ANKRD30B: variants seen among roughly 807,000 people sequenced by gnomAD.
The protein encoded by ANKRD30B is ankyrin repeat domain 30B.
A neutral mutation model predicts 202.2 loss-of-function variants in ANKRD30B; 144 were observed. The ratio of observed to expected loss-of-function variants is 0.71; its 90% CI spans 0.62 to 0.82. ANKRD30B has a LOEUF of 0.82. Ranked by LOEUF, ANKRD30B falls within the 40% of genes least tolerant of loss-of-function variation. The probability of loss-of-function intolerance (pLI) is 0.00; values close to 1 mark genes in which losing one functional copy is unlikely to be tolerated. For synonymous variants in ANKRD30B, 508 were observed against 561.3 expected, an observed-to-expected ratio of 0.91 and a Z score of 1.34; for missense variants, 1,487 against 1,669.1, an observed-to-expected ratio of 0.89 and a Z score of 1.90.
intron 42 of ANKRD30B, chr18:14,852,711 T>A (rs867713246): frequency 2.0e-4 from 41 of 207,564 alleles, no homozygotes; most frequent in African/African-American, 8.0e-4. Context: ...GGTTTTAATG[T>A]CTCTTTGTGG....
At chr18:14,834,335 A>C (rs2258518) in intron 34 of ANKRD30B, among the ~76,000 whole-genome samples, 2 of 152,060 alleles carry the variant, frequency 1.3e-5, no homozygotes, top group African/African-American at 4.8e-5. Context: ...ATGGATACCA[A>C]CATATTTGTA....
At position 14,764,786 on chromosome 18, in the gene ANKRD30B, T is replaced by G. The variant is rs188376908; in HGVS notation, c.1225+696T>G. On this transcript the variant is annotated intron_variant, in intron 7 of 43. Coordinates refer to ENST00000690538, the MANE Select transcript of ANKRD30B (RefSeq NM_001367607.2). ...TGGAAGGGCTGCTTTGTTCACATTT[T>G]TCTTTTAAATAGAGAGAAAACTTGG... Among the ~76,000 whole-genome samples, 686 of 152,324 alleles carry G rather than the reference T, an allele frequency of 4.5e-3. 2 individuals are homozygous for G. The highest frequency in any genetic ancestry group is 7.5e-3 in the South Asian group (36 of 4,828).
downstream of ANKRD30B, among the ~76,000 whole-genome samples, chr18:14,855,070 T>C (rs1972042079): frequency 6.6e-6 from 1 of 152,170 alleles, no homozygotes; most frequent in African/African-American, 2.4e-5. Context: ...ATAGTGTTTG[T>C]GTCCCTGGGT....
the ANKRD30B span, among the ~76,000 whole-genome samples, chr18:14,885,248 G>A: frequency 6.6e-6 from 1 of 152,032 alleles, no homozygotes; most frequent in East Asian, 1.9e-4. Flanking sequence ...TGTTATTTAT[G>A]TGTAAAGTTG....
chr18:14,850,299 A>T lies in ANKRD30B; in HGVS notation c.3481A>T (p.Lys1161Ter). ...TAGACCCGAAGAGCAACTTAGGAAA[A>T]AGTTAGAAGTGAAACAACAACTTGA... ...KIRPEEQLRK[K>*]LEVKQQLEQT... The change falls in exon 41 of 44, where the codon AAG becomes TAG. Residue 1161 changes from lysine to a stop codon, truncating the protein, a stop_gained. Coordinates refer to ENST00000690538, the MANE Select transcript of ANKRD30B (RefSeq NM_001367607.2). LOFTEE classifies it high-confidence loss of function. The T allele has an allele frequency of 6.3e-7, 1 of 1,592,914 alleles. No homozygotes were observed. The highest frequency in any genetic ancestry group is 8.5e-7 in the Non-Finnish European group (1 of 1,170,874).
intron 40 of ANKRD30B, 94 bp from the exon 41 acceptor site, chr18:14,850,120 T>C: frequency 1.1e-6 from 1 of 898,652 alleles, no homozygotes. Context: ...AGGAATTTTA[T>C]TGGAATAATA....
At chr18:14,772,707 GGGTTTTTTTTTTTTT>G (rs1967081953) in intron 9 of ANKRD30B, among the ~76,000 whole-genome samples, 1 of 92,286 alleles carries the variant, frequency 1.1e-5, no homozygotes, top group Non-Finnish European at 2.1e-5. Flanking sequence ...ATAGCATATA[GGGTTTTTTTTTTTTT>G]TTTTTGCATG....
chr18:14,883,019 C>CTACATTTCCTGTGAG, the ANKRD30B span, among the ~76,000 whole-genome samples: 3 of 81,290 alleles, frequency 3.7e-5, no homozygotes, highest in Admixed American at 1.5e-4. Flanking sequence ...TTTCTAGTGC[C>CTACATTTCCTGTGAG]TACATTTCCT....
chr18:14,889,625 T>G, the ANKRD30B span, among the ~76,000 whole-genome samples: 1 of 150,616 alleles, frequency 6.6e-6, no homozygotes, highest in African/African-American at 2.4e-5. Context: ...CCCAAGAATT[T>G]TCATGTCAGC....
chr18:14,809,432 C>T (rs569231063), intron 26 of ANKRD30B, among the ~76,000 whole-genome samples: 1 of 150,788 alleles, frequency 6.6e-6, no homozygotes, highest in Non-Finnish European at 1.5e-5. Flanking sequence ...ACTGGTTAGA[C>T]CAGAAATTCT....
chr18:14,879,930 G>A, the ANKRD30B span, among the ~76,000 whole-genome samples: 1 of 152,040 alleles, frequency 6.6e-6, no homozygotes, highest in Non-Finnish European at 1.5e-5. Flanking sequence ...ATTTGCATTT[G>A]GGTTCTTGCT....
At position 14,797,808 on chromosome 18, in the gene ANKRD30B, T is replaced by C. The variant is rs1371255951; in HGVS notation, c.1983T>C (p.Leu661=). ...CTACCTGTGGAAGGAAAGTTTCTCT[T>C]CCAAATAAAGCCTTAGAATTAAAGG... The part of the protein sequence containing the change: ...LKPTCGRKVS[L]PNKALELKDR... Residue 661 remains leucine (L), a synonymous_variant, in exon 20 of 44, where the codon CTT becomes CTC. Transcript: ENST00000690538. The C allele has an allele frequency of 5.8e-6, 9 of 1,554,258 alleles. No homozygotes were observed. The highest frequency in any genetic ancestry group is 7.8e-6 in the Non-Finnish European group (9 of 1,148,576).
the ANKRD30B span, among the ~76,000 whole-genome samples, chr18:14,875,113 G>A: frequency 3.3e-5 from 5 of 152,136 alleles, no homozygotes; most frequent in Non-Finnish European, 5.9e-5. Context: ...GGAATCAATC[G>A]CAGACTGTGC....
the ANKRD30B span, among the ~76,000 whole-genome samples, chr18:14,880,940 C>T: frequency 6.6e-6 from 1 of 152,152 alleles, no homozygotes; most frequent in Non-Finnish European, 1.5e-5. Context: ...AATCTTGTAT[C>T]TGGAAACTTT....
intron 39 of ANKRD30B, among the ~76,000 whole-genome samples, chr18:14,846,916 A>G (rs1407321267): frequency 6.6e-6 from 1 of 151,400 alleles, no homozygotes; most frequent in Non-Finnish European, 1.5e-5. Context: ...TTTAATTTAT[A>G]ATGTAATTAT....
the ANKRD30B span, among the ~76,000 whole-genome samples, chr18:14,874,783 A>T: frequency 4.6e-5 from 7 of 152,210 alleles, no homozygotes; most frequent in Non-Finnish European, 1.0e-4. Flanking sequence ...TAACTCATGT[A>T]CAAGGAGGGG....
At chr18:14,886,553 A>G in the ANKRD30B span, among the ~76,000 whole-genome samples, 2 of 152,100 alleles carry the variant, frequency 1.3e-5, no homozygotes, top group East Asian at 3.8e-4. Flanking sequence ...GTATAACTCC[A>G]TAGACAAAGA....
At chr18:14,758,798 C>T (rs190850241) in intron 5 of ANKRD30B, among the ~76,000 whole-genome samples, 27 of 152,226 alleles carry the variant, frequency 1.8e-4, no homozygotes, top group Non-Finnish European at 8.8e-5. Flanking sequence ...TAAGACTGTA[C>T]GACAGGTTGA....
chr18:14,791,298 T>C, intron 15 of ANKRD30B, 103 bp from the exon 16 acceptor site: 1 of 946,846 alleles, frequency 1.1e-6, no homozygotes, highest in Non-Finnish European at 1.6e-6. Flanking sequence ...GTTTGCAAAC[T>C]AGGAAATTGT....
Sources: allele counts gnomAD v4.1 joint callset (sites outside exome capture counted in the v4.1 genomes callset), GRCh38; gene constraint gnomAD v4.1.1; transcripts MANE v1.5; gene names NCBI Gene and HGNC (gene_info 2026-07-23, HGNC 2026-07-21).